Variants in NPM2 observed in about 807,000 individuals in gnomAD.
NPM2 encodes the protein nucleoplasmin-2.
NPM2 carries 25 observed loss-of-function variants against 32.0 expected under a neutral mutation model. The observed-to-expected ratio is 0.78, with a 90% CI of 0.57 to 1.09. The LOEUF is 1.09. Among genes scored for constraint, NPM2 ranks in the 50% least tolerant of loss-of-function variants. The pLI, the probability that NPM2 is intolerant of heterozygous loss-of-function variation, is 0.00. For missense variants in NPM2, 282 were observed against 259.9 expected, an observed-to-expected ratio of 1.08 and a Z score of -0.58; for synonymous variants, 111 against 94.2, an observed-to-expected ratio of 1.18 and a Z score of -1.04.
rs771418334 is a variant in NPM2, at chr8:22,025,659, G to A, written c.157G>A (p.Glu53Lys). 2 of 1,614,182 alleles carry A rather than the reference G, an allele frequency of 1.2e-6. No individual in the cohort carries two copies. Among genetic ancestry groups the A allele is most frequent in the Admixed American group, 3.3e-5 (2 of 60,024 alleles). ...RLLLHTICLG[E>K]KAKEEMHRVE... Reference sequence around the variant, plus strand: ...CAACCCCGCTCAGATTTGCTTGGGGGAGAAAGCCAAAGAGGAGATGCATCG... The same window carrying A: ...CAACCCCGCTCAGATTTGCTTGGGGAAGAAAGCCAAAGAGGAGATGCATCG... Residue 53 changes from glutamate to lysine, a missense_variant, in exon 5 of 10, where the codon GAG (glutamate) becomes AAG (lysine). Coordinates refer to ENST00000518119, the MANE Select transcript of NPM2 (RefSeq NM_001286680.2).
At position 22,034,267 on chromosome 8, in the gene NPM2, G is replaced by A. The variant is rs750538427; in HGVS notation, c.523G>A (p.Val175Met). ...KRLVPQKQAS[V>M]AKKKKLEKEE... Reference sequence around the variant, plus strand: ...GCTGGTGCCCCAGAAGCAGGCGAGCGTGGCTAAGGTGGGGGAAGGAGCGTG... The same window carrying A: ...GCTGGTGCCCCAGAAGCAGGCGAGCATGGCTAAGGTGGGGGAAGGAGCGTG... The change falls in exon 7 of 10, where the codon GTG (valine) becomes ATG (methionine). Residue 175 changes from valine (V) to methionine (M), a missense_variant. Physicochemically the swap from Val to Met is conservative, Grantham distance 21. Transcript: ENST00000518119. The A allele has an allele frequency of 1.5e-5, 24 of 1,589,710 alleles. No individual in the cohort carries two copies. Among genetic ancestry groups the A allele is most frequent in the East Asian group, 2.2e-5 (1 of 44,712 alleles).
rs1343760622 is a variant in NPM2 at position 22,036,867 on chromosome 8, T to G, written c.*185T>G. 4.0e-5 allele frequency: 24 copies of G among 599,470 alleles called. No individual in the cohort carries two copies. In the East Asian group the frequency reaches 7.3e-4, roughly 18 times the overall value. 37.1% of individuals were successfully genotyped at this position (599,470 alleles called of 1,614,324 possible). The stretch of plus-strand genomic sequence containing the variant: ...GAGGCCCCCAGTGAAGAGCCCCACC[T>G]CGGGGTCACAATAAAGTTGCCTGGT... On this transcript the variant is annotated 3_prime_UTR_variant, in exon 10 of 10. Transcript: ENST00000518119.
At chr8:22,032,904 C>G (rs972693530) in intron 5 of NPM2, among the ~76,000 whole-genome samples, 1 of 152,110 alleles carries the variant, frequency 6.6e-6, no homozygotes, top group Non-Finnish European at 1.5e-5. Context: ...CCATACTAAT[C>G]AGATTCCTCT....
At chr8:22,025,064 T>C in intron 2 of NPM2, 152 bp from the exon 3 acceptor site, 1 of 608,446 alleles carries the variant, frequency 1.6e-6, no homozygotes, top group East Asian at 3.0e-5. Flanking sequence ...GTACTCGTCC[T>C]CCAGGAGTTG....
chr8:22,033,957 T>C, intron 6 of NPM2, 152 bp from the exon 7 acceptor site: 1 of 1,218,526 alleles, frequency 8.2e-7, no homozygotes, highest in Non-Finnish European at 1.1e-6. Flanking sequence ...GGTGCCGCCC[T>C]GTACAGGTGG....
intron 5 of NPM2, among the ~76,000 whole-genome samples, chr8:22,027,371 C>G (rs1800289744): frequency 6.6e-6 from 1 of 152,152 alleles, no homozygotes; most frequent in African/African-American, 2.4e-5. Context: ...CTGTGGTTTT[C>G]AAGACCATCT....
At chr8:22,036,240 C>T in intron 8 of NPM2, 1 of 470,586 alleles carries the variant, frequency 2.1e-6, no homozygotes, top group Non-Finnish European at 3.8e-6. Context: ...CAGAACCAGA[C>T]TCCATCTCAA....
At chr8:22,031,238 G>A (rs1218320876) in intron 5 of NPM2, among the ~76,000 whole-genome samples, 1 of 152,130 alleles carries the variant, frequency 6.6e-6, no homozygotes, top group Non-Finnish European at 1.5e-5. Flanking sequence ...TCCTTTAATG[G>A]TGGCTAGGGT....
intron 5 of NPM2, among the ~76,000 whole-genome samples, chr8:22,032,615 G>T (rs1800475501): frequency 1.3e-5 from 2 of 152,154 alleles, no homozygotes. Flanking sequence ...TGAGATCAGG[G>T]GGCCGGCATG....
chr8:22,034,324 A>T (rs1230344437), intron 7 of NPM2, 49 bp downstream of exon 7: 1 of 1,529,966 alleles, frequency 6.5e-7, no homozygotes, highest in Non-Finnish European at 8.8e-7. Flanking sequence ...CCCCTACAGA[A>T]GCACTTAAGA....
Position 22,034,224 on chromosome 8 carries a change from T to G in NPM2, c.480T>G (p.Pro160=). 6.2e-7 allele frequency: 1 copy of G among 1,609,828 alleles called. No individual in the cohort carries two copies. The highest frequency in any genetic ancestry group is 8.5e-7 in the Non-Finnish European group (1 of 1,177,954). Residue 160 remains proline, a synonymous_variant, in exon 7 of 10, where the codon CCT becomes CCG. Transcript: ENST00000518119. ...ATATATCTCTGGAGGAGCAAAGCCC[T>G]GTCAAACAAGTCAAAAGGCTGGTGC... The part of the protein sequence containing the change: ...DADISLEEQS[P]VKQVKRLVPQ...
rs1800149473 is a variant in NPM2 at position 22,024,182 on chromosome 8, C to T, written c.-582C>T. On this transcript the variant is annotated 5_prime_UTR_variant, in exon 1 of 10. Transcript: ENST00000518119. ...CGGCGCCTCGCCTCCCGGCTCACCT[C>T]CCCACCCCACCTGCCCGCTGCGGCT... 3.3e-5 allele frequency: 5 copies of T among 152,786 alleles called. No homozygotes were observed. The highest frequency in any genetic ancestry group is 3.9e-4 in the South Asian group (2 of 5,166). 9.5% of individuals were successfully genotyped at this position (152,786 alleles called of 1,614,324 possible).
chr8:22,033,497 A>T (rs1331983228), intron 6 of NPM2, among the ~76,000 whole-genome samples: 7 of 152,190 alleles, frequency 4.6e-5, no homozygotes, highest in African/African-American at 1.7e-4. Context: ...AAAAGCACTC[A>T]GCGTAATACC....
At chr8:22,024,910 T>C in intron 2 of NPM2, 80 bp downstream of exon 2, 1 of 330,712 alleles carries the variant, frequency 3.0e-6, no homozygotes, top group Non-Finnish European at 5.5e-6. Flanking sequence ...GCACAGAGGC[T>C]TTTGAGTCAG....
intron 4 of NPM2, 28 bp downstream of exon 4, chr8:22,025,549 G>A (rs760292038): frequency 7.4e-6 from 12 of 1,613,760 alleles, no homozygotes; most frequent in African/African-American, 1.3e-5. Context: ...AGGGGAGGAA[G>A]ATGGTGTCCG....
chr8:22,025,134 C>A, intron 2 of NPM2, 82 bp from the exon 3 acceptor site: 1 of 1,216,460 alleles, frequency 8.2e-7, no homozygotes, highest in Non-Finnish European at 1.1e-6. Flanking sequence ...TCAGTACCTG[C>A]CGATGCCTGC....
intron 6 of NPM2, 39 bp downstream of exon 6, chr8:22,033,262 C>G (rs113032397): frequency 6.6e-7 from 1 of 1,506,842 alleles, no homozygotes; most frequent in Non-Finnish European, 9.2e-7. Flanking sequence ...CCGTGAGTAC[C>G]GTGCTAGGCA....
intron 8 of NPM2, 147 bp from the exon 9 acceptor site, chr8:22,036,346 C>CT (rs1448060085): frequency 1.5e-6 from 1 of 676,536 alleles, no homozygotes; most frequent in Admixed American, 2.9e-5. Context: ...ACACACATCC[C>CT]TTTGTTTAAA....
At chr8:22,026,947 G>T (rs1800276375) in intron 5 of NPM2, among the ~76,000 whole-genome samples, 1 of 152,106 alleles carries the variant, frequency 6.6e-6, no homozygotes, top group South Asian at 2.1e-4. Context: ...AAATTGCTTT[G>T]CTTTGAAATC....
Sources: allele counts gnomAD v4.1 joint callset (sites outside exome capture counted in the v4.1 genomes callset), GRCh38; gene constraint gnomAD v4.1.1; transcripts MANE v1.5; gene names NCBI Gene and HGNC (gene_info 2026-07-23, HGNC 2026-07-21).